ELOVL5: variants seen among roughly 807,000 people sequenced by gnomAD.
The protein encoded by ELOVL5 is very long chain fatty acid elongase 5.
ELOVL5 carries 8 observed loss-of-function variants against 38.6 expected under a neutral mutation model. That is an observed-to-expected ratio of 0.21 (90% CI 0.12 to 0.37). The LOEUF is 0.37. ELOVL5 is among the 10% of genes least tolerant of loss of function. The probability of loss-of-function intolerance (pLI) is 1.00; values close to 1 mark genes in which losing one functional copy is unlikely to be tolerated. For synonymous variants in ELOVL5, 127 were observed against 133.7 expected, an observed-to-expected ratio of 0.95 and a Z score of 0.34; for missense variants, 280 against 367.8, an observed-to-expected ratio of 0.76 and a Z score of 1.95.
intron 2 of ELOVL5, chr6:53,294,481 G>GC: frequency 6.5e-7 from 1 of 1,549,118 alleles, no homozygotes; most frequent in Non-Finnish European, 8.7e-7. Context: ...TGAGGACAGA[G>GC]CTGCTGATAC....
chr6:53,301,851 T>A (rs1561875496), intron 1 of ELOVL5, among the ~76,000 whole-genome samples: 1 of 152,170 alleles, frequency 6.6e-6, no homozygotes, highest in Admixed American at 6.5e-5. Context: ...ATATTATAAT[T>A]GTGTCTCATT....
chr6:53,319,629 T>C lies in ELOVL5; in HGVS notation c.-8-23922A>G, dbSNP rs1040520753. On this transcript the variant is annotated intron_variant, in intron 1 of 7. Transcript: ENST00000304434. The stretch of plus-strand genomic sequence containing the variant: ...TTTCTCATTTAGAATATAATTAATA[T>C]TCCCTATTTCCTTCTTGATTGGTCC... Among the ~76,000 whole-genome samples, 3 of 152,172 alleles carry C rather than the reference T, an allele frequency of 2.0e-5. No individual in the cohort carries two copies. In the South Asian group the frequency reaches 6.2e-4, roughly 32 times the overall value.
At chr6:53,320,103 C>T (rs546843353) in intron 1 of ELOVL5, among the ~76,000 whole-genome samples, 27 of 152,114 alleles carry the variant, frequency 1.8e-4, no homozygotes, top group African/African-American at 6.5e-4. Flanking sequence ...TCCCTTGAGC[C>T]CAGAAGTTTG....
chr6:53,341,654 C>G (rs776489314), intron 1 of ELOVL5, among the ~76,000 whole-genome samples: 6 of 152,200 alleles, frequency 3.9e-5, no homozygotes, highest in Admixed American at 6.5e-5. Context: ...ACCCATAGAA[C>G]AGCTTTGTTC....
intron 1 of ELOVL5, among the ~76,000 whole-genome samples, chr6:53,301,972 C>T (rs1767273455): frequency 6.6e-6 from 1 of 152,134 alleles, no homozygotes; most frequent in African/African-American, 2.4e-5. Flanking sequence ...GAGTTCAGCA[C>T]ACCTTCGTCT....
At chr6:53,276,438 A>C (rs1353520287) in intron 3 of ELOVL5, among the ~76,000 whole-genome samples, 182 bp from the exon 4 acceptor site, 1 of 152,150 alleles carries the variant, frequency 6.6e-6, no homozygotes, top group Non-Finnish European at 1.5e-5. Flanking sequence ...CTTGAGTCTC[A>C]ATTTCCTAAG....
At chr6:53,343,507 C>A (rs1769414237) in intron 1 of ELOVL5, among the ~76,000 whole-genome samples, 1 of 152,144 alleles carries the variant, frequency 6.6e-6, no homozygotes, top group Non-Finnish European at 1.5e-5. Flanking sequence ...GCCACCGTGC[C>A]CAGCCAACAT....
Position 53,273,142 on chromosome 6 carries a change from A to G in ELOVL5, c.621+78T>C, listed in dbSNP as rs1581917578. 20 of 1,490,370 alleles carry G rather than the reference A, an allele frequency of 1.3e-5. No individual in the cohort carries two copies. The East Asian group carries it at 3.9e-4, about 29-fold the overall frequency. The allele number at this position is 1,490,370 out of a possible 1,614,324, so 92.3% of individuals were successfully genotyped here. On this transcript the variant is annotated intron_variant, in intron 6 of 7. Transcript: ENST00000304434. ...GTGGAGAAGGGGCATCTTAGATGCT[A>G]TTACATAACACTAAAGCCAGGAAGA... is the stretch of plus-strand genomic sequence containing the variant.
intron 3 of ELOVL5, among the ~76,000 whole-genome samples, chr6:53,290,757 C>T (rs915721133): frequency 1.3e-5 from 2 of 152,006 alleles, no homozygotes; most frequent in East Asian, 3.9e-4. Flanking sequence ...CACCACCACA[C>T]GTAGACAGGG....
chr6:53,291,177 TC>T (rs1561870198), intron 3 of ELOVL5, among the ~76,000 whole-genome samples: 1 of 152,242 alleles, frequency 6.6e-6, no homozygotes, highest in Non-Finnish European at 1.5e-5. Flanking sequence ...GCCTTTGAGA[TC>T]ATCAAATGTG....
chr6:53,323,854 A>T (rs566321958), intron 1 of ELOVL5, among the ~76,000 whole-genome samples: 209 of 152,266 alleles, frequency 1.4e-3, no homozygotes, highest in Non-Finnish European at 2.3e-3. Flanking sequence ...CATTACGGGC[A>T]TGGGCCACCG....
At chr6:53,335,879 T>C (rs1769043924) in intron 1 of ELOVL5, among the ~76,000 whole-genome samples, 1 of 152,146 alleles carries the variant, frequency 6.6e-6, no homozygotes, top group Non-Finnish European at 1.5e-5. Flanking sequence ...ACTTTCTGTT[T>C]CTTCTTACAT....
chr6:53,319,849 G>A (rs1768224894), intron 1 of ELOVL5, among the ~76,000 whole-genome samples: 1 of 152,120 alleles, frequency 6.6e-6, no homozygotes, highest in Admixed American at 6.5e-5. Flanking sequence ...TTAATTGTGT[G>A]CAGCCCTTTG....
chr6:53,332,425 A>T (rs1768843467), intron 1 of ELOVL5, among the ~76,000 whole-genome samples: 1 of 152,244 alleles, frequency 6.6e-6, no homozygotes, highest in Non-Finnish European at 1.5e-5. Context: ...ACTAAAATTT[A>T]AAATCATAAA....
At chr6:53,275,341 T>C (rs1581920117) in intron 4 of ELOVL5, 80 bp from the exon 5 acceptor site, 2 of 1,450,082 alleles carry the variant, frequency 1.4e-6, no homozygotes, top group Non-Finnish European at 1.9e-6. Flanking sequence ...TTCACTAATA[T>C]CCAAAAATCT....
At chr6:53,315,735 A>G (rs1439847954) in intron 1 of ELOVL5, among the ~76,000 whole-genome samples, 5 of 152,226 alleles carry the variant, frequency 3.3e-5, no homozygotes, top group Admixed American at 6.5e-5. Context: ...AAACTGACTG[A>G]CATTTACAGG....
intron 7 of ELOVL5, among the ~76,000 whole-genome samples, chr6:53,270,199 C>T (rs945314652): frequency 4.6e-5 from 7 of 152,168 alleles, no homozygotes; most frequent in African/African-American, 1.4e-4. Flanking sequence ...GACAAAAAAG[C>T]AGATCTCCAT....
In ELOVL5 at chr6:53,304,106, G is replaced by A. The variant is rs796954346; in HGVS notation, c.-8-8399C>T. Reference sequence around the variant, plus strand: ...CTCCTTAGAGTCCAAACTCTTTAACGGCAAGTACTCCAATCTGTCCTATGA... The same window carrying A: ...CTCCTTAGAGTCCAAACTCTTTAACAGCAAGTACTCCAATCTGTCCTATGA... On this transcript the variant is annotated intron_variant, in intron 1 of 7. Transcript: ENST00000304434. 2.5e-4 allele frequency among the ~76,000 whole-genome samples: 38 copies of A among 152,244 alleles called. No individual in the cohort carries two copies. The Middle Eastern group carries it at 0.014, about 55-fold the overall frequency.
Position 53,276,504 on chromosome 6 carries a change from C to T in ELOVL5, c.247-248G>A, listed in dbSNP as rs139032248. 4.1e-3 allele frequency among the ~76,000 whole-genome samples: 630 copies of T among 152,294 alleles called. 2 individuals carry two copies. The highest frequency in any genetic ancestry group is 0.013 in the African/African-American group (521 of 41,556). On this transcript the variant is annotated intron_variant, in intron 3 of 7. Coordinates refer to ENST00000304434, the MANE Select transcript of ELOVL5 (RefSeq NM_021814.5). ...TGCCCTCAGAGACCTTCCTTTACCA[C>T]GCTGCTTCTCTGCAGAACCCTCAGC...
Sources: gnomAD v4.1 joint callset for allele counts (sites outside exome capture counted in the v4.1 genomes callset) on GRCh38, gnomAD v4.1.1 for gene constraint, MANE v1.5 for transcripts, NCBI Gene and HGNC (gene_info 2026-07-23, HGNC 2026-07-21) for gene names.